MACROD2: variants seen among roughly 807,000 people sequenced by gnomAD.
MACROD2 encodes mono-ADP ribosylhydrolase 2.
MACROD2 carries 36 observed loss-of-function variants against 70.4 expected under a neutral mutation model. The observed-to-expected ratio is 0.51, with a 90% CI of 0.39 to 0.68. The LOEUF is 0.68. Among genes scored for constraint, MACROD2 ranks in the 30% least tolerant of loss-of-function variants. The pLI is 0.00. For missense variants in MACROD2, 496 were observed against 538.4 expected (o/e 0.92, Z 0.78); for synonymous variants, 172 against 178.8 (o/e 0.96, Z 0.30).
At chr20:15,983,581 G>A (rs1192456142) in intron 13 of MACROD2, among the ~76,000 whole-genome samples, 1 of 152,168 alleles carries the variant, frequency 6.6e-6, no homozygotes, top group Non-Finnish European at 1.5e-5. Flanking sequence ...GAAGCTGGAT[G>A]GACCTCAGGT....
intron 3 of MACROD2, among the ~76,000 whole-genome samples, chr20:14,451,469 C>T (rs886992889): frequency 6.6e-6 from 1 of 152,054 alleles, no homozygotes; most frequent in Non-Finnish European, 1.5e-5. Flanking sequence ...AAGTGTGTTA[C>T]CCCAAGCATG....
chr20:15,538,113 T>G (rs750045071), intron 8 of MACROD2, among the ~76,000 whole-genome samples: 11 of 152,290 alleles, frequency 7.2e-5, no homozygotes, highest in Non-Finnish European at 8.8e-5. Flanking sequence ...TAATAGAGAC[T>G]TCTTATAGGG....
At chr20:14,785,320 C>T (rs1600661426) in intron 5 of MACROD2, among the ~76,000 whole-genome samples, 1 of 152,154 alleles carries the variant, frequency 6.6e-6, no homozygotes, top group Non-Finnish European at 1.5e-5. Context: ...CCACCATTTC[C>T]TCTCCTGTTT....
chr20:14,925,630 G>T (rs1252320701), intron 5 of MACROD2, among the ~76,000 whole-genome samples: 1 of 152,166 alleles, frequency 6.6e-6, no homozygotes, highest in Non-Finnish European at 1.5e-5. Context: ...CTCTTGAGCT[G>T]TTATATCCTC....
At chr20:14,484,972 C>A (rs796352005) in intron 3 of MACROD2, among the ~76,000 whole-genome samples, 1 of 152,050 alleles carries the variant, frequency 6.6e-6, no homozygotes, top group African/African-American at 2.4e-5. Context: ...TGATTGCTAT[C>A]TTTTGGGTAT....
intron 2 of MACROD2, chr20:14,003,634 C>T: frequency 2.2e-6 from 1 of 455,372 alleles, no homozygotes; most frequent in Non-Finnish European, 4.4e-6. Flanking sequence ...GCCCACCACC[C>T]CGTCTCAGAA....
intron 5 of MACROD2, among the ~76,000 whole-genome samples, chr20:14,842,877 A>G (rs909212881): frequency 6.6e-6 from 1 of 152,126 alleles, no homozygotes; most frequent in Non-Finnish European, 1.5e-5. Context: ...AGTCATTTCC[A>G]GGAGACATGT....
intron 8 of MACROD2, among the ~76,000 whole-genome samples, chr20:15,758,440 A>G (rs2051381993): frequency 6.6e-6 from 1 of 150,656 alleles, no homozygotes; most frequent in Non-Finnish European, 1.5e-5. Context: ...GGGTTTCACC[A>G]TGTTGGCCAA....
chr20:15,923,215 G>T (rs1465966568), intron 10 of MACROD2, among the ~76,000 whole-genome samples: 1 of 152,134 alleles, frequency 6.6e-6, no homozygotes, highest in Non-Finnish European at 1.5e-5. Context: ...AACAAAAAAA[G>T]GTTTAATTTG....
chr20:14,438,444 G>A (rs1415076123), intron 3 of MACROD2, among the ~76,000 whole-genome samples: 1 of 152,132 alleles, frequency 6.6e-6, no homozygotes, highest in Non-Finnish European at 1.5e-5. Context: ...AGGATTGCTG[G>A]ATCTTATGGC....
intron 4 of MACROD2, among the ~76,000 whole-genome samples, chr20:14,672,451 C>T (rs1397783312): frequency 2.0e-5 from 3 of 152,140 alleles, no homozygotes; most frequent in African/African-American, 7.2e-5. Flanking sequence ...ATGAGATTAG[C>T]CTAGATTCAA....
intron 3 of MACROD2, among the ~76,000 whole-genome samples, chr20:14,249,315 G>C (rs2081992232): frequency 6.6e-6 from 1 of 151,902 alleles, no homozygotes. Context: ...GCAAAAGCCA[G>C]AGTTAAGAGT....
At chr20:14,162,488 G>T (rs1020474058) in intron 3 of MACROD2, among the ~76,000 whole-genome samples, 3 of 151,978 alleles carry the variant, frequency 2.0e-5, no homozygotes, top group Non-Finnish European at 4.4e-5. Flanking sequence ...TTATTATACT[G>T]AAGTCTTTCT....
intron 5 of MACROD2, among the ~76,000 whole-genome samples, chr20:14,890,501 C>T (rs551363604): frequency 6.6e-6 from 1 of 152,164 alleles, no homozygotes; most frequent in South Asian, 2.1e-4. Context: ...GGTGCAGTGG[C>T]TCATGCCTGT....
intron 4 of MACROD2, among the ~76,000 whole-genome samples, chr20:14,586,723 A>T (rs1305024535): frequency 6.6e-6 from 1 of 152,082 alleles, no homozygotes; most frequent in Non-Finnish European, 1.5e-5. Context: ...TGATCCATTT[A>T]GTCTCCCAAA....
At chr20:15,343,302 A>G (rs2078130031) in intron 6 of MACROD2, among the ~76,000 whole-genome samples, 1 of 152,244 alleles carries the variant, frequency 6.6e-6, no homozygotes, top group African/African-American at 2.4e-5. Flanking sequence ...AAAGGAAACC[A>G]AAGTGCCTAC....
At chr20:14,013,543 A>G (rs771079245) in intron 2 of MACROD2, among the ~76,000 whole-genome samples, 6 of 152,010 alleles carry the variant, frequency 3.9e-5, no homozygotes, top group Non-Finnish European at 7.4e-5. Flanking sequence ...AAGTGCTGGG[A>G]TTACAGGCGT....
chr20:15,749,665 G>C (rs553866341), intron 8 of MACROD2, among the ~76,000 whole-genome samples: 4 of 152,048 alleles, frequency 2.6e-5, no homozygotes, highest in South Asian at 2.1e-4. Flanking sequence ...CTAAAGTTTG[G>C]CCCAAAGAGT....
intron 6 of MACROD2, among the ~76,000 whole-genome samples, chr20:15,300,431 G>T (rs1474176858): frequency 6.6e-6 from 1 of 152,144 alleles, no homozygotes; most frequent in African/African-American, 2.4e-5. Context: ...ATTCCAAAGT[G>T]CAGGGAAATT....
Sources: gnomAD v4.1 joint callset for allele counts (sites outside exome capture counted in the v4.1 genomes callset) on GRCh38, gnomAD v4.1.1 for gene constraint, MANE v1.5 for transcripts, NCBI Gene and HGNC (gene_info 2026-07-23, HGNC 2026-07-21) for gene names.